CLPX: variants seen among roughly 807,000 people sequenced by gnomAD.
The protein encoded by CLPX is ATP-dependent clpX-like chaperone, mitochondrial.
In CLPX, 34 loss-of-function variants were observed where a neutral mutation model predicts 76.4. The ratio of observed to expected loss-of-function variants is 0.45; its 90% confidence interval spans 0.34 to 0.59. CLPX has a LOEUF of 0.59. Ranked by LOEUF, CLPX falls within the 20% of genes least tolerant of loss-of-function variation. The pLI is 0.01. For missense variants in CLPX, 613 were observed against 757.0 expected, an observed-to-expected ratio of 0.81 and a Z score of 2.23; for synonymous variants, 248 against 270.9, an observed-to-expected ratio of 0.92 and a Z score of 0.83.
Position 65,154,786 on chromosome 15 carries a change from T to A in CLPX, c.1607A>T (p.Asp536Val). ...IPQYQALFSM[D>V]KCELNVTEDA... Reference sequence around the variant, plus strand: ...TACAAAAAATAAAAATCTAACCTTATCCATGCTGAATAAGGCCTGGTACTG... The same window carrying A: ...TACAAAAAATAAAAATCTAACCTTAACCATGCTGAATAAGGCCTGGTACTG... Residue 536 changes from aspartate (D) to valine (V), a missense_variant, in exon 11 of 14, where the codon GAT (aspartate) becomes GTT (valine). Physicochemically the swap from Asp to Val is radical, Grantham distance 152 (BLOSUM62 -3). Transcript: ENST00000300107. 6.3e-7 allele frequency: 1 copy of A among 1,599,314 alleles called. No individual in the cohort carries two copies. The highest frequency in any genetic ancestry group is 8.6e-7 in the Non-Finnish European group (1 of 1,168,172).
chr15:65,168,029 T>G (rs2087941446), intron 3 of CLPX, among the ~76,000 whole-genome samples: 3 of 151,948 alleles, frequency 2.0e-5, no homozygotes, highest in African/African-American at 7.2e-5. Context: ...TTAAAGATAA[T>G]CATGCAGACT....
intron 3 of CLPX, among the ~76,000 whole-genome samples, chr15:65,175,537 T>C (rs2088078905): frequency 6.6e-6 from 1 of 152,092 alleles, no homozygotes; most frequent in Non-Finnish European, 1.5e-5. Flanking sequence ...AAAAACAGGC[T>C]GAGTTATCCC....
In CLPX at chr15:65,154,674, C is replaced by G. The variant is rs540819747; in HGVS notation, c.1611+108G>C. 2.2e-5 allele frequency: 17 copies of G among 755,740 alleles called. No homozygotes were observed. The African/African-American group carries it at 3.0e-4, about 13-fold the overall frequency. The allele number at this position is 755,740 out of a possible 1,614,324, so 46.8% of individuals were successfully genotyped here. On this transcript the variant is annotated intron_variant, in intron 11 of 13. Coordinates refer to ENST00000300107, the MANE Select transcript of CLPX (RefSeq NM_006660.5). Reference sequence around the variant, plus strand: ...AGATCCATATTTAGTAAGGAATAGGCTGGTATTCTAGATGAGCAGAATTTG... The same window carrying G: ...AGATCCATATTTAGTAAGGAATAGGGTGGTATTCTAGATGAGCAGAATTTG...
At chr15:65,151,456 GAAAAAAAAAAAAAAAA>G (rs529752332) in intron 13 of CLPX, among the ~76,000 whole-genome samples, 4 of 74,596 alleles carry the variant, frequency 5.4e-5, no homozygotes, top group African/African-American at 2.4e-4. Flanking sequence ...ATTACTGGGA[GAAAAAAAAAAAAAAAA>G]AAAAAAAAGG....
At chr15:65,153,459 A>G (rs1275336044) in intron 12 of CLPX, 88 bp downstream of exon 12, 4 of 825,436 alleles carry the variant, frequency 4.8e-6, no homozygotes, top group East Asian at 5.3e-5. Flanking sequence ...ATATATATAC[A>G]TATTTTCCAA....
intron 1 of CLPX, 48 bp downstream of exon 1, chr15:65,185,026 AC>A (rs573023416): frequency 0.15 from 150,139 of 982,500 alleles, 147 homozygotes; most frequent in East Asian, 0.25. Context: ...TGGCCAGTCC[AC>A]CCCCCCCCCG....
rs751082671 is a variant in CLPX at position 65,152,477 on chromosome 15, C to G, written c.1764G>C (p.Glu588Asp). The G allele has an allele frequency of 1.9e-6, 3 of 1,563,548 alleles. No homozygotes were observed. In the Admixed American group the frequency reaches 5.6e-5, roughly 29 times the overall value. ...TTCCTTCTACTACTTCTTTGTCAAC[C>G]TCCACACATACGATATCAGAATTAG... is the stretch of plus-strand genomic sequence containing the variant. Reference protein sequence around the residue: ...EVPNSDIVCVEVDKEVVEGKK... With the variant: ...EVPNSDIVCVDVDKEVVEGKK... The change falls in exon 13 of 14, where the codon GAG becomes GAC. Residue 588 changes from glutamate (E) to aspartate (D), a missense_variant. Physicochemically the swap from Glu to Asp is conservative, Grantham distance 45 (BLOSUM62 2). This residue lies in a region of CLPX where 450 missense variants were observed against 638.6 expected (regional missense o/e 0.70). Coordinates refer to ENST00000300107, the MANE Select transcript of CLPX (RefSeq NM_006660.5).
chr15:65,183,691 G>C lies in CLPX; in HGVS notation c.79+1384C>G, dbSNP rs527790767. Among the ~76,000 whole-genome samples, 3 of 152,220 alleles carry C rather than the reference G, an allele frequency of 2.0e-5. No individual in the cohort carries two copies. In the East Asian group the frequency reaches 5.8e-4, roughly 29 times the overall value. ...ACGGACTCTTGGCTACAAGAGATCA[G>C]TAACACTTTCAAAGAAGCCGTCCCT... On this transcript the variant is annotated intron_variant, in intron 1 of 13. Transcript: ENST00000300107.
chr15:65,181,056 G>A (rs2140652229), intron 1 of CLPX, among the ~76,000 whole-genome samples: 1 of 151,188 alleles, frequency 6.6e-6, no homozygotes, highest in South Asian at 2.1e-4. Flanking sequence ...AAAATTAGCT[G>A]GGTGTGCTAG....
intron 3 of CLPX, among the ~76,000 whole-genome samples, chr15:65,169,167 G>A (rs1317126427): frequency 6.6e-6 from 1 of 151,928 alleles, no homozygotes; most frequent in Non-Finnish European, 1.5e-5. Flanking sequence ...GGGACTACAG[G>A]CGCCTCTCGA....
chr15:65,178,477 T>C (rs1047530484), intron 3 of CLPX, among the ~76,000 whole-genome samples: 23 of 152,184 alleles, frequency 1.5e-4, no homozygotes, highest in African/African-American at 5.1e-4. Context: ...GCTCATACAA[T>C]TTACATATAA....
At position 65,164,266 on chromosome 15, in the gene CLPX, A is replaced by G. The variant is rs577783315; in HGVS notation, c.514-78T>C. The G allele has an allele frequency of 2.9e-5, 34 of 1,164,080 alleles. No individual in the cohort carries two copies. The South Asian group carries it at 4.9e-4, about 17-fold the overall frequency. 72.1% of individuals were successfully genotyped at this position (1,164,080 alleles called of 1,614,324 possible). A position where few individuals can be genotyped will look rare whatever the true frequency, so the allele number is the denominator to read the frequency against. ...CACATTAAAAAGTTATTTACTAAGC[A>G]TATTTGCTTACAGTTTTAAATCTGA... On this transcript the variant is annotated intron_variant, in intron 4 of 13. Coordinates refer to ENST00000300107, the MANE Select transcript of CLPX (RefSeq NM_006660.5).
intron 8 of CLPX, 114 bp downstream of exon 8, chr15:65,157,632 T>C (rs2087805363): frequency 9.7e-7 from 1 of 1,026,912 alleles, no homozygotes; most frequent in Non-Finnish European, 1.4e-6. Context: ...AAGGTACTTT[T>C]ATATAATTAC....
intron 6 of CLPX, among the ~76,000 whole-genome samples, chr15:65,161,483 T>C (rs760311962): frequency 9.2e-5 from 14 of 152,194 alleles, no homozygotes; most frequent in Non-Finnish European, 1.6e-4. Context: ...ATTTAAGCTT[T>C]TGAAATATTT....
intron 6 of CLPX, among the ~76,000 whole-genome samples, chr15:65,160,623 T>TCTCTCACA (rs1219208926): frequency 1.7e-4 from 17 of 101,028 alleles, no homozygotes; most frequent in African/African-American, 5.3e-4. Flanking sequence ...TCTCTCTCTC[T>TCTCTCACA]CACACACACA....
At position 65,153,586 on chromosome 15, in the gene CLPX, T is replaced by C; in HGVS notation, c.1665A>G (p.Leu555=). 1 of 1,602,058 alleles carries C rather than the reference T, an allele frequency of 6.2e-7. No homozygotes were observed. The highest frequency in any genetic ancestry group is 8.5e-7 in the Non-Finnish European group (1 of 1,175,370). The change falls in exon 12 of 14, where the codon CTA becomes CTG. Residue 555 remains leucine (L), a synonymous_variant. Transcript: ENST00000300107. ...DALKAIARLA[L]ERKTGARGLR... ...GGCCTCGTGCACCTGTTTTTCGTTC[T>C]AGTGCCAATCTGGCTATAGCTTTCA...
chr15:65,180,032 T>C lies in CLPX; in HGVS notation c.240+12A>G, dbSNP rs2088142800. 1 of 1,590,044 alleles carries C rather than the reference T, an allele frequency of 6.3e-7. No individual in the cohort carries two copies. Among genetic ancestry groups the C allele is most frequent in the Non-Finnish European group, 8.6e-7 (1 of 1,166,210 alleles). On this transcript the variant is annotated intron_variant, in intron 2 of 13. Coordinates refer to ENST00000300107, the MANE Select transcript of CLPX (RefSeq NM_006660.5). ...ACAATGTGTACAGATGCCAATAAGA[T>C]AAAATAATTACCTTATTTCCATCTC...
intron 3 of CLPX, among the ~76,000 whole-genome samples, chr15:65,172,828 C>G (rs1447450244): frequency 1.3e-5 from 2 of 150,992 alleles, no homozygotes; most frequent in African/African-American, 4.9e-5. Flanking sequence ...TCACTTGAGC[C>G]CAAGAGTTCG....
intron 11 of CLPX, among the ~76,000 whole-genome samples, chr15:65,154,397 G>A (rs1342032946): frequency 6.6e-6 from 1 of 152,216 alleles, no homozygotes. Flanking sequence ...TTTGGCTACA[G>A]AGAAGTATAT....
Sources: allele counts gnomAD v4.1 joint callset (sites outside exome capture counted in the v4.1 genomes callset), GRCh38; gene constraint gnomAD v4.1.1; regional missense constraint gnomAD v4.1.1; transcripts MANE v1.5; gene names NCBI Gene and HGNC (gene_info 2026-07-23, HGNC 2026-07-21).